The following SGSH variants were observed in gnomAD, a reference collection of about 807,000 sequenced individuals.
SGSH encodes the protein N-sulfoglucosamine sulfohydrolase, also known as heparan sulfate sulfatase.
In SGSH, 48 loss-of-function variants were observed where a neutral mutation model predicts 51.0. The ratio of observed to expected loss-of-function variants is 0.94; its 90% CI spans 0.75 to 1.20. The LOEUF is 1.20. Among genes scored for constraint, SGSH ranks in the 50% most tolerant of loss-of-function variants. The pLI is 0.00. For synonymous variants in SGSH, 321 were observed against 313.4 expected (o/e 1.02, Z -0.26); for missense variants, 662 against 717.8 (o/e 0.92, Z 0.89).
chr17:80,208,416 A>C, downstream of SGSH: 2 of 1,380,636 alleles, frequency 1.4e-6, no homozygotes, highest in Non-Finnish European at 2.0e-6. Context: ...TCCTCAGCCC[A>C]GGCCCTCTTG....
downstream of SGSH, chr17:80,205,183 A>G (rs756487956): frequency 2.5e-6 from 4 of 1,613,156 alleles, no homozygotes; most frequent in African/African-American, 1.3e-5. Flanking sequence ...GCCTCCTCCA[A>G]GGGTTTAAGA....
intron 2 of SGSH, chr17:80,216,820 G>A (rs2041907656): frequency 5.1e-6 from 3 of 591,298 alleles, no homozygotes; most frequent in Non-Finnish European, 9.0e-6. Context: ...CTTGCTCAAG[G>A]CCACACACAG....
intron 1 of SGSH, among the ~76,000 whole-genome samples, chr17:80,218,492 A>C (rs2041978473): frequency 6.6e-6 from 1 of 152,152 alleles, no homozygotes; most frequent in Non-Finnish European, 1.5e-5. Flanking sequence ...CCAGACCAAC[A>C]CTTTCCCCAG....
chr17:80,211,228 A>G, intron 7 of SGSH: 1 of 1,378,964 alleles, frequency 7.3e-7, no homozygotes, highest in Non-Finnish European at 9.6e-7. Flanking sequence ...GGTGACATTT[A>G]GGATCCTTCT....
In SGSH at chr17:80,210,833, C is replaced by T; in HGVS notation, c.1128G>A (p.Met376Ile). 1.2e-6 allele frequency: 2 copies of T among 1,613,998 alleles called. No homozygotes were observed. The highest frequency in any genetic ancestry group is 1.7e-6 in the Non-Finnish European group (2 of 1,180,030). The change falls in exon 8 of 8, where the codon ATG (methionine) becomes ATA (isoleucine). Residue 376 changes from methionine (M) to isoleucine (I), a missense_variant. Physicochemically the swap from Met to Ile is conservative, Grantham distance 10. Transcript: ENST00000326317. Reference protein sequence around the residue: ...SHHEVTMSYPMRSVQHRHFRL... With the variant: ...SHHEVTMSYPIRSVQHRHFRL... The stretch of plus-strand genomic sequence containing the variant: ...GGAAGTGCCGGTGCTGCACGGAGCG[C>T]ATGGGGTAGGACATGGTGACCTCGT...
rs1389562678 is a variant in SGSH at position 80,210,507 on chromosome 17, C to T, written c.1454G>A (p.Gly485Asp). ...THDPWVCAPD[G>D]VLEEKLSPQC... ...GGGAGAGAGCTTCTCCTCCAGGACG[C>T]CGTCGGGGGCGCACACCCAGGGGTC... The change falls in exon 8 of 8, where the codon GGC becomes GAC. Residue 485 changes from glycine to aspartate, a missense_variant. Physicochemically the swap from Gly to Asp is moderately conservative, Grantham distance 94. Coordinates refer to ENST00000326317, the MANE Select transcript of SGSH (RefSeq NM_000199.5). 1 of 1,607,556 alleles carries T rather than the reference C, an allele frequency of 6.2e-7. No individual in the cohort carries two copies. Among genetic ancestry groups the T allele is most frequent in the South Asian group, 1.1e-5 (1 of 90,858 alleles).
rs781437136 is a variant in SGSH at position 80,209,947 on chromosome 17, C to T, written c.*505G>A. 7.9e-5 allele frequency: 79 copies of T among 1,001,020 alleles called. No homozygotes were observed. The East Asian group carries it at 6.2e-3, about 79-fold the overall frequency. 62.0% of individuals were successfully genotyped at this position (1,001,020 alleles called of 1,614,324 possible). ...AGGCCAGACGCTGGTAAGAGCCAGG[C>T]GCCGTGCTCCCAGGTGAGTGTCGGT... On this transcript the variant is annotated 3_prime_UTR_variant, in exon 8 of 8. Coordinates refer to ENST00000326317, the MANE Select transcript of SGSH (RefSeq NM_000199.5).
chr17:80,202,580 T>C (rs2041044561), downstream of SGSH: 1 of 1,436,158 alleles, frequency 7.0e-7, no homozygotes, highest in African/African-American at 1.4e-5. Context: ...GAAGATGTTG[T>C]TTCTTTGTGA....
At chr17:80,206,000 C>A, downstream of SGSH, 1 of 190,388 alleles carries the variant, frequency 5.3e-6, no homozygotes, top group Non-Finnish European at 1.1e-5. Context: ...AGCTTTGTGT[C>A]TGCACAGGCA....
Position 80,209,938 on chromosome 17 carries a change from A to T in SGSH, c.*514T>A, listed in dbSNP as rs2041563824. The T allele has an allele frequency of 1.0e-6, 1 of 999,034 alleles. No homozygotes were observed. Among genetic ancestry groups the T allele is most frequent in the Admixed American group, 5.2e-5 (1 of 19,216 alleles). 61.9% of individuals were successfully genotyped at this position (999,034 alleles called of 1,614,324 possible). A position where few individuals can be genotyped will look rare whatever the true frequency, so the allele number is the denominator to read the frequency against. Reference sequence around the variant, plus strand: ...GCTTCCTCTAGGCCAGACGCTGGTAAGAGCCAGGCGCCGTGCTCCCAGGTG... The same window carrying T: ...GCTTCCTCTAGGCCAGACGCTGGTATGAGCCAGGCGCCGTGCTCCCAGGTG... On this transcript the variant is annotated 3_prime_UTR_variant, in exon 8 of 8. Coordinates refer to ENST00000326317, the MANE Select transcript of SGSH (RefSeq NM_000199.5).
chr17:80,217,559 C>T (rs1020402255), intron 1 of SGSH, among the ~76,000 whole-genome samples: 1 of 152,082 alleles, frequency 6.6e-6, no homozygotes, highest in Non-Finnish European at 1.5e-5. Flanking sequence ...AGCAAGCAGG[C>T]AGGGTGCCCA....
Position 80,213,742 on chromosome 17 carries a change from T to A in SGSH, c.745+62A>T. ...ATTATGCCGTGACCTAAGAGGGCGC[T>A]GGCCCAGGATGGGGGACCCCGGCCG... On this transcript the variant is annotated intron_variant, in intron 6 of 7. Coordinates refer to ENST00000326317, the MANE Select transcript of SGSH (RefSeq NM_000199.5). The surrounding 1 kb of genome is among the most constrained non-coding windows in gnomAD (Gnocchi z 4.6). 1 of 1,407,800 alleles carries A rather than the reference T, an allele frequency of 7.1e-7. No individual in the cohort carries two copies. The highest frequency in any genetic ancestry group is 9.8e-7 in the Non-Finnish European group (1 of 1,023,590). 87.2% of individuals were successfully genotyped at this position (1,407,800 alleles called of 1,614,324 possible).
At position 80,216,710 on chromosome 17, in the gene SGSH, A is replaced by G. The variant is rs928208226; in HGVS notation, c.249+322T>C. On this transcript the variant is annotated intron_variant, in intron 2 of 7. Transcript: ENST00000326317. ...ACCAGGCCTCGCACTAAGTGTTTACATACAAAGCATTAGCCCCGCCAATCT... is the reference window on the plus strand; with the variant it reads ...ACCAGGCCTCGCACTAAGTGTTTACGTACAAAGCATTAGCCCCGCCAATCT... The G allele has an allele frequency of 5.4e-5, 20 of 373,636 alleles. No homozygotes were observed. In the South Asian group the frequency reaches 6.5e-4, roughly 12 times the overall value. 23.1% of individuals were successfully genotyped at this position (373,636 alleles called of 1,614,324 possible).
downstream of SGSH, chr17:80,204,052 C>G (rs2041138013): frequency 1.3e-6 from 1 of 796,924 alleles, no homozygotes; most frequent in South Asian, 1.8e-5. Context: ...GTCTGCAGCC[C>G]CTGCCCAGCC....
intron 1 of SGSH, chr17:80,219,565 C>G (rs1044035071): frequency 6.6e-6 from 1 of 152,220 alleles, no homozygotes; most frequent in African/African-American, 2.4e-5. Context: ...CCAGAGACCA[C>G]AAAATTAATC....
downstream of SGSH, chr17:80,208,112 G>A (rs559146307): frequency 2.9e-4 from 355 of 1,217,648 alleles, 1 homozygote; most frequent in Middle Eastern, 2.9e-4. Flanking sequence ...CCCTGAGCCC[G>A]CCCCCCCCAA....
Position 80,210,142 on chromosome 17 carries a change from C to A in SGSH, c.*310G>T. 1 of 1,287,988 alleles carries A rather than the reference C, an allele frequency of 7.8e-7. No individual in the cohort carries two copies. The highest frequency in any genetic ancestry group is 9.9e-7 in the Non-Finnish European group (1 of 1,010,720). 79.8% of individuals were successfully genotyped at this position (1,287,988 alleles called of 1,614,324 possible). A position where few individuals can be genotyped will look rare whatever the true frequency, so the allele number is the denominator to read the frequency against. ...CCTTGTCATGGGCTGGGGGCGCTGC[C>A]CTGTCCGCAGACCACGTATGTCTAG... On this transcript the variant is annotated 3_prime_UTR_variant, in exon 8 of 8. Coordinates refer to ENST00000326317, the MANE Select transcript of SGSH (RefSeq NM_000199.5).
intron 7 of SGSH, 137 bp from the exon 8 acceptor site, chr17:80,211,148 A>T: frequency 6.6e-7 from 1 of 1,522,374 alleles, no homozygotes; most frequent in Non-Finnish European, 8.8e-7. Flanking sequence ...TGTCGAGCCG[A>T]CACCTCTCAC....
Position 80,213,918 on chromosome 17 carries a change from C to T in SGSH, c.664-33G>A, listed in dbSNP as rs778163282. The T allele has an allele frequency of 1.6e-5, 24 of 1,541,766 alleles. No individual in the cohort carries two copies. The highest frequency in any genetic ancestry group is 2.0e-5 in the Non-Finnish European group (23 of 1,137,456). ...AGGCGGTGGGGAGCCAGGCTTAGAACAGACAGACCGGGGGAGCGGTGTCCA... is the reference window on the plus strand; with the variant it reads ...AGGCGGTGGGGAGCCAGGCTTAGAATAGACAGACCGGGGGAGCGGTGTCCA... On this transcript the variant is annotated intron_variant, in intron 5 of 7. Transcript: ENST00000326317. This position sits in a 1 kb window ranked among gnomAD's most constrained non-coding sequence, Gnocchi z 4.6.
Sources: gnomAD v4.1 joint callset for allele counts (sites outside exome capture counted in the v4.1 genomes callset) on GRCh38, gnomAD v4.1.1 for gene constraint, Gnocchi (gnomAD v3.1) non-coding constraint, MANE v1.5 for transcripts, NCBI Gene and HGNC (gene_info 2026-07-23, HGNC 2026-07-21) for gene names.